The following BCAS3 variants were observed in gnomAD, a reference collection of about 807,000 sequenced individuals.
BCAS3 encodes the protein BCAS3 microtubule associated cell migration factor.
Under a neutral mutation model 116.1 loss-of-function variants are expected in BCAS3, and 53 were observed. The observed-to-expected ratio is 0.46, with a 90% confidence interval of 0.37 to 0.57. BCAS3 has a LOEUF of 0.57. Among genes scored for constraint, BCAS3 ranks in the 20% least tolerant of loss-of-function variants. BCAS3 has a pLI of 0.00. For missense variants in BCAS3, 917 were observed against 1,165.4 expected (o/e 0.79, Z 3.10); for synonymous variants, 391 against 408.2 (o/e 0.96, Z 0.51).
At chr17:60,807,891 G>A (rs939254251) in intron 6 of BCAS3, 113 bp from the exon 7 acceptor site, 14 of 645,798 alleles carry the variant, frequency 2.2e-5, no homozygotes, top group Non-Finnish European at 3.6e-5. Flanking sequence ...TATAAATTAT[G>A]TCAACTTATA....
rs980014825 is a variant in BCAS3, at chr17:61,369,000, G to A, written c.2593+506G>A. Among the ~76,000 whole-genome samples the A allele has an allele frequency of 9.9e-5, 15 of 152,142 alleles. No individual in the cohort carries two copies. Among genetic ancestry groups the A allele is most frequent in the African/African-American group, 3.1e-4 (13 of 41,422 alleles). Reference sequence around the variant, plus strand: ...TGAGCGAGTCCAGCAACTAGGGTCTGGGTGGCTTCCTGCATCCCAGAGCAA... The same window carrying A: ...TGAGCGAGTCCAGCAACTAGGGTCTAGGTGGCTTCCTGCATCCCAGAGCAA... On this transcript the variant is annotated intron_variant, in intron 23 of 23. Coordinates refer to ENST00000407086, the MANE Select transcript of BCAS3 (RefSeq NM_017679.5). This position sits in a 1 kb window ranked among gnomAD's most constrained non-coding sequence, Gnocchi z 6.0.
chr17:61,346,903 A>G lies in BCAS3; in HGVS notation c.2426-21424A>G, dbSNP rs1028760448. Among the ~76,000 whole-genome samples the G allele has an allele frequency of 6.6e-6, 1 of 152,222 alleles. No homozygotes were observed. Among genetic ancestry groups the G allele is most frequent in the African/African-American group, 2.4e-5 (1 of 41,460 alleles). On this transcript the variant is annotated intron_variant, in intron 22 of 23. Transcript: ENST00000407086. This position sits in a 1 kb window ranked among gnomAD's most constrained non-coding sequence, Gnocchi z 5.4. ...GAGCTTGCACTTGGGCTAAGTCTCA[A>G]ATCTGCAGAAGGCAGTTCGTCATGT... is the stretch of plus-strand genomic sequence containing the variant.
At chr17:60,966,572 A>G (rs577928754) in intron 14 of BCAS3, among the ~76,000 whole-genome samples, 20 of 152,150 alleles carry the variant, frequency 1.3e-4, no homozygotes, top group Non-Finnish European at 2.2e-4. Flanking sequence ...AGAGACTACA[A>G]CTTATCTTAG....
At chr17:60,741,947 G>A (rs115606450) in intron 5 of BCAS3, among the ~76,000 whole-genome samples, 1 of 152,124 alleles carries the variant, frequency 6.6e-6, no homozygotes, top group African/African-American at 2.4e-5. Flanking sequence ...TTTTCAAAAT[G>A]GTAAAACAGT....
rs113547904 is a variant in BCAS3 at position 61,109,283 on chromosome 17, T to TTGTGTGTGTG, written c.2425+24743_2425+24752dup. On this transcript the variant is annotated intron_variant, in intron 22 of 23. Transcript: ENST00000407086. ...TTGTTACGGCCGAGTAGTATTCCAT[T>TTGTGTGTGTG]TGTGTGTGTGTGTGTGTGTGTGTGT... Among the ~76,000 whole-genome samples the TTGTGTGTGTG allele has an allele frequency of 5.5e-3, 804 of 145,412 alleles. 4 individuals are homozygous for TTGTGTGTGTG. The highest frequency in any genetic ancestry group is 0.017 in the African/African-American group (675 of 39,738).
intron 6 of BCAS3, among the ~76,000 whole-genome samples, chr17:60,753,470 C>T (rs1035698394): frequency 6.6e-6 from 1 of 151,164 alleles, no homozygotes; most frequent in African/African-American, 2.4e-5. Context: ...AGTGCAGTGG[C>T]TCGACCTCCA....
intron 7 of BCAS3, among the ~76,000 whole-genome samples, chr17:60,846,369 G>A (rs1027591305): frequency 4.6e-5 from 7 of 152,194 alleles, no homozygotes; most frequent in African/African-American, 1.4e-4. Flanking sequence ...GCATCACCAA[G>A]TTCTCATTCA....
At chr17:61,164,011 C>CA (rs547112430) in intron 22 of BCAS3, among the ~76,000 whole-genome samples, 34,798 of 127,010 alleles carry the variant, frequency 0.27, 5,712 homozygotes, top group African/African-American at 0.47. Context: ...AAAAAAAAAC[C>CA]AAAAAAAAAA....
chr17:60,761,246 G>C (rs2043496055), intron 6 of BCAS3, among the ~76,000 whole-genome samples: 1 of 151,882 alleles, frequency 6.6e-6, no homozygotes, highest in South Asian at 2.1e-4. Flanking sequence ...AAGTTCTAGG[G>C]TACATGTGCA....
chr17:61,105,132 T>C lies in BCAS3; in HGVS notation c.2425+20568T>C, dbSNP rs1003004086. Among the ~76,000 whole-genome samples the C allele has an allele frequency of 6.6e-6, 1 of 152,216 alleles. No homozygotes were observed. Among genetic ancestry groups the C allele is most frequent in the Non-Finnish European group, 1.5e-5 (1 of 68,036 alleles). On this transcript the variant is annotated intron_variant, in intron 22 of 23. Transcript: ENST00000407086. This position sits in a 1 kb window ranked among gnomAD's most constrained non-coding sequence, Gnocchi z 4.3. ...TGAGAATAAAAAGTGAATTGGGTGC[T>C]ATTTAAATATTCTCTACTTACATTT...
Position 61,259,280 on chromosome 17 carries a change from G to T in BCAS3, c.2426-109047G>T, listed in dbSNP as rs879291872. Among the ~76,000 whole-genome samples the T allele has an allele frequency of 6.6e-6, 1 of 152,130 alleles. No individual in the cohort carries two copies. The highest frequency in any genetic ancestry group is 1.5e-5 in the Non-Finnish European group (1 of 68,026). ...AGAGCTCACAGAACTAATCTGTGTT[G>T]ATCTGTCTTCTTCTTGAGGGCACAC... On this transcript the variant is annotated intron_variant, in intron 22 of 23. Coordinates refer to ENST00000407086, the MANE Select transcript of BCAS3 (RefSeq NM_017679.5). The surrounding 1 kb of genome is among the most constrained non-coding windows in gnomAD (Gnocchi z 4.7).
rs1001090951 is a variant in BCAS3, at chr17:60,994,160, T to C, written c.1486+3925T>C. On this transcript the variant is annotated intron_variant, in intron 15 of 23. Transcript: ENST00000407086. The surrounding 1 kb of genome is among the most constrained non-coding windows in gnomAD (Gnocchi z 4.4). ...AATAGAAAATGCAGAATTACTCATATCACTTTATATATGAAATATATATCT... is the reference window on the plus strand; with the variant it reads ...AATAGAAAATGCAGAATTACTCATACCACTTTATATATGAAATATATATCT... Among the ~76,000 whole-genome samples the C allele has an allele frequency of 6.6e-6, 1 of 152,198 alleles. No individual in the cohort carries two copies. The highest frequency in any genetic ancestry group is 3.4e-3 in the Middle Eastern group (1 of 294).
intron 11 of BCAS3, among the ~76,000 whole-genome samples, chr17:60,909,868 AT>A (rs1178604678): frequency 1.3e-5 from 2 of 152,182 alleles, no homozygotes; most frequent in Non-Finnish European, 2.9e-5. Context: ...AATTGAAATA[AT>A]ATAGTAGGAG....
chr17:61,159,261 T>G (rs1407949804), intron 22 of BCAS3: 1 of 152,194 alleles, frequency 6.6e-6, no homozygotes, highest in Non-Finnish European at 1.5e-5. Flanking sequence ...TTGAGAGATT[T>G]TGTTTGGTTT....
chr17:60,866,697 G>A (rs1459032988), intron 7 of BCAS3, among the ~76,000 whole-genome samples: 1 of 152,094 alleles, frequency 6.6e-6, no homozygotes, highest in African/African-American at 2.4e-5. Context: ...ATCTTTATGT[G>A]TAGATTGGTT....
intron 22 of BCAS3, among the ~76,000 whole-genome samples, chr17:61,190,488 C>CT (rs1202247291): frequency 9.1e-6 from 1 of 110,216 alleles, no homozygotes; most frequent in Non-Finnish European, 1.7e-5. Flanking sequence ...GATCACAACA[C>CT]TGTACTCCAG....
chr17:61,254,248 G>A (rs898228938), intron 22 of BCAS3, among the ~76,000 whole-genome samples: 8 of 152,192 alleles, frequency 5.3e-5, no homozygotes, highest in African/African-American at 1.9e-4. Flanking sequence ...ACCCACAGCA[G>A]TGTCCCTTCA....
chr17:60,684,617 G>A (rs1364726301), intron 3 of BCAS3, among the ~76,000 whole-genome samples: 1 of 152,130 alleles, frequency 6.6e-6, no homozygotes, highest in South Asian at 2.1e-4. Context: ...CTTATTAAAA[G>A]TAATAATTTC....
chr17:61,114,040 C>T (rs927377085), intron 22 of BCAS3, among the ~76,000 whole-genome samples: 1 of 151,588 alleles, frequency 6.6e-6, no homozygotes, highest in African/African-American at 2.4e-5. Flanking sequence ...ATTCAACAAC[C>T]CTTCATGCTA....
Sources: allele counts gnomAD v4.1 joint callset (sites outside exome capture counted in the v4.1 genomes callset), GRCh38; gene constraint gnomAD v4.1.1; non-coding constraint Gnocchi (gnomAD v3.1); transcripts MANE v1.5; gene names NCBI Gene and HGNC (gene_info 2026-07-23, HGNC 2026-07-21).